The following RGS12 variants were observed in gnomAD, a reference collection of about 807,000 sequenced individuals.
The protein encoded by RGS12 is regulator of G protein signaling 12.
In RGS12, 66 loss-of-function variants were observed where a neutral mutation model predicts 120.1. The ratio of observed to expected loss-of-function variants is 0.55; its 90% CI spans 0.45 to 0.67. The LOEUF (loss-of-function observed/expected upper bound fraction) is 0.67, where lower values mean the gene tolerates loss of function less well. Among genes scored for constraint, RGS12 ranks in the 30% least tolerant of loss-of-function variants. RGS12 has a pLI of 0.00. For synonymous variants in RGS12, 827 were observed against 804.7 expected (o/e 1.03, Z -0.47); for missense variants, 1,859 against 1,957.7 (o/e 0.95, Z 0.95).
At chr4:3,309,162 GT>G (rs1560645034) in intron 1 of RGS12, among the ~76,000 whole-genome samples, 47 of 11,542 alleles carry the variant, frequency 4.1e-3, no homozygotes, top group Admixed American at 5.9e-3. Context: ...GAGGGGAACC[GT>G]GTTGAGGAGG....
intron 1 of RGS12, among the ~76,000 whole-genome samples, chr4:3,301,282 G>C (rs569844727): frequency 6.6e-6 from 1 of 152,254 alleles, no homozygotes; most frequent in Non-Finnish European, 1.5e-5. Context: ...GCTTGGTGCT[G>C]AAGAGGCTCA....
rs1026721176 is a variant in RGS12 at position 3,370,125 on chromosome 4, G to T, written c.1999-16291G>T. 10 of 1,465,538 alleles carry T rather than the reference G, an allele frequency of 6.8e-6. No homozygotes were observed. The South Asian group carries it at 1.2e-4, about 18-fold the overall frequency. 90.8% of individuals were successfully genotyped at this position (1,465,538 alleles called of 1,614,324 possible). A position where few individuals can be genotyped will look rare whatever the true frequency, so the allele number is the denominator to read the frequency against. On this transcript the variant is annotated intron_variant, in intron 3 of 17. Coordinates refer to ENST00000336727, the MANE Select transcript of RGS12 (RefSeq NM_001394154.1). ...AAACCCTGGCAAGCCACAGCTTCCTGCAGTGTCCTGTTGCCATGGGTTACG... is the reference window on the plus strand; with the variant it reads ...AAACCCTGGCAAGCCACAGCTTCCTTCAGTGTCCTGTTGCCATGGGTTACG...
rs1262060506 is a variant in RGS12 at position 3,374,308 on chromosome 4, G to T, written c.1999-12108G>T. Among the ~76,000 whole-genome samples, 1 of 152,180 alleles carries T rather than the reference G, an allele frequency of 6.6e-6. No individual in the cohort carries two copies. Among genetic ancestry groups the T allele is most frequent in the Admixed American group, 6.5e-5 (1 of 15,290 alleles). Reference sequence around the variant, plus strand: ...CCTCCGGGTTCCCCTCCTCTCCTCCGACTCCACTGGCTTTTCACCACTGTC... The same window carrying T: ...CCTCCGGGTTCCCCTCCTCTCCTCCTACTCCACTGGCTTTTCACCACTGTC... On this transcript the variant is annotated intron_variant, in intron 3 of 17. Transcript: ENST00000336727. The surrounding 1 kb of genome is among the most constrained non-coding windows in gnomAD (Gnocchi z 6.3).
intron 4 of RGS12, among the ~76,000 whole-genome samples, chr4:3,388,127 T>C (rs576551946): frequency 2.9e-4 from 44 of 152,198 alleles, no homozygotes; most frequent in Non-Finnish European, 5.4e-4. Context: ...TGCTCCTCCT[T>C]CTTTTCCCAG....
At chr4:3,348,437 T>C (rs1714032410) in intron 3 of RGS12, among the ~76,000 whole-genome samples, 1 of 152,236 alleles carries the variant, frequency 6.6e-6, no homozygotes, top group South Asian at 2.1e-4. Context: ...CTTCTCCTCA[T>C]GGGAAGCCCG....
At chr4:3,328,384 C>T (rs562658260) in intron 2 of RGS12, among the ~76,000 whole-genome samples, 7 of 152,304 alleles carry the variant, frequency 4.6e-5, no homozygotes, top group Admixed American at 6.5e-5. Flanking sequence ...GTACTCCATA[C>T]GTTTAAACAA....
At chr4:3,321,170 A>G (rs1164594182) in intron 2 of RGS12, among the ~76,000 whole-genome samples, 1 of 152,202 alleles carries the variant, frequency 6.6e-6, no homozygotes, top group Non-Finnish European at 1.5e-5. Flanking sequence ...AAAGAAGGTT[A>G]GCTGCTGAAA....
chr4:3,369,406 G>A (rs1486558772), intron 3 of RGS12, among the ~76,000 whole-genome samples: 1 of 152,188 alleles, frequency 6.6e-6, no homozygotes, highest in Non-Finnish European at 1.5e-5. Flanking sequence ...TTCCTTCCCA[G>A]CTGGCAGCCC....
rs556121355 is a variant in RGS12 at position 3,372,922 on chromosome 4, T to G, written c.1999-13494T>G. Among the ~76,000 whole-genome samples the G allele has an allele frequency of 5.3e-5, 8 of 152,298 alleles. No individual in the cohort carries two copies. The highest frequency in any genetic ancestry group is 1.9e-4 in the African/African-American group (8 of 41,564). On this transcript the variant is annotated intron_variant, in intron 3 of 17. Coordinates refer to ENST00000336727, the MANE Select transcript of RGS12 (RefSeq NM_001394154.1). This position sits in a 1 kb window ranked among gnomAD's most constrained non-coding sequence, Gnocchi z 4.3. ...AAAAGGGTTGCACTGTTTAAAAACG[T>G]GGAATATTCTCTTGTAGGCAGTGTG... is the stretch of plus-strand genomic sequence containing the variant.
chr4:3,382,643 GCT>G (rs1008839515), intron 3 of RGS12, among the ~76,000 whole-genome samples: 16 of 151,868 alleles, frequency 1.1e-4, no homozygotes, highest in Admixed American at 2.0e-4. Flanking sequence ...GTTCTCTGCT[GCT>G]CTCTCTCTCT....
intron 2 of RGS12, among the ~76,000 whole-genome samples, chr4:3,338,091 G>C (rs1279175496): frequency 6.6e-6 from 1 of 152,190 alleles, no homozygotes; most frequent in Non-Finnish European, 1.5e-5. Flanking sequence ...ACAGAGTTTT[G>C]CTCTTGTTGC....
At chr4:3,432,605 C>G (rs1310238973) in intron 17 of RGS12, among the ~76,000 whole-genome samples, 1 of 152,176 alleles carries the variant, frequency 6.6e-6, no homozygotes. Flanking sequence ...AGGTGGTTTA[C>G]AGCGCAGGCC....
intron 3 of RGS12, among the ~76,000 whole-genome samples, chr4:3,384,799 C>T (rs1400032609): frequency 2.6e-5 from 4 of 152,224 alleles, no homozygotes; most frequent in Non-Finnish European, 5.9e-5. Flanking sequence ...TGCCAGAGGA[C>T]AGACTCTGCG....
intron 1 of RGS12, among the ~76,000 whole-genome samples, chr4:3,302,344 G>GT (rs1175930007): frequency 6.7e-6 from 1 of 149,734 alleles, no homozygotes; most frequent in Non-Finnish European, 1.5e-5. Context: ...GTTGGCGCCT[G>GT]TGACGTGGCT....
At chr4:3,294,227 G>T (rs1218233475) in intron 1 of RGS12, among the ~76,000 whole-genome samples, 1 of 152,276 alleles carries the variant, frequency 6.6e-6, no homozygotes. Context: ...GGGACGTGCA[G>T]GATGGCCGGC....
At chr4:3,308,353 G>A (rs1402799052) in intron 1 of RGS12, among the ~76,000 whole-genome samples, 1 of 152,254 alleles carries the variant, frequency 6.6e-6, no homozygotes, top group South Asian at 2.1e-4. Context: ...ACAGGACTCA[G>A]GGCAGGTTTA....
intron 3 of RGS12, among the ~76,000 whole-genome samples, chr4:3,383,127 C>A (rs758043746): frequency 6.6e-6 from 1 of 152,042 alleles, no homozygotes; most frequent in Non-Finnish European, 1.5e-5. Flanking sequence ...ACACTACTCC[C>A]CGAGGGCCAT....
intron 1 of RGS12, among the ~76,000 whole-genome samples, chr4:3,308,318 G>A (rs1015031817): frequency 2.6e-5 from 4 of 152,230 alleles, no homozygotes; most frequent in African/African-American, 7.2e-5. Context: ...CTGTGTCCTC[G>A]ACGCGAGGGA....
chr4:3,435,660 C>T (rs887311412), intron 17 of RGS12, among the ~76,000 whole-genome samples: 15 of 152,048 alleles, frequency 9.9e-5, no homozygotes, highest in Non-Finnish European at 1.5e-4. Flanking sequence ...CAGCTGGCCT[C>T]GGCCCTCCTC....
Sources: allele counts gnomAD v4.1 joint callset (sites outside exome capture counted in the v4.1 genomes callset), GRCh38; gene constraint gnomAD v4.1.1; non-coding constraint Gnocchi (gnomAD v3.1); transcripts MANE v1.5; gene names NCBI Gene and HGNC (gene_info 2026-07-23, HGNC 2026-07-21).